STK32B: variants seen among roughly 807,000 people sequenced by gnomAD.
STK32B encodes the protein serine/threonine-protein kinase 32B.
A neutral mutation model predicts 52.6 loss-of-function variants in STK32B; 43 were observed. That is an observed-to-expected ratio of 0.82 (90% CI 0.64 to 1.05). STK32B has a LOEUF of 1.05. Ranked by LOEUF, STK32B falls within the 50% of genes least tolerant of loss-of-function variation. STK32B has a pLI of 0.00. For missense variants in STK32B, 621 were observed against 534.6 expected, an observed-to-expected ratio of 1.16 and a Z score of -1.59; for synonymous variants, 238 against 204.3, an observed-to-expected ratio of 1.17 and a Z score of -1.41.
chr4:5,485,907 T>G (rs1719149277), intron 11 of STK32B, among the ~76,000 whole-genome samples: 1 of 152,190 alleles, frequency 6.6e-6, no homozygotes, highest in Non-Finnish European at 1.5e-5. Context: ...CAGTGGATAT[T>G]GGTGAACAGC....
intron 3 of STK32B, among the ~76,000 whole-genome samples, chr4:5,284,354 A>C (rs144433042): frequency 1.3e-5 from 2 of 152,296 alleles, no homozygotes; most frequent in East Asian, 1.9e-4. Context: ...AACTCTAAAA[A>C]CTAGGTTTAA....
chr4:5,253,745 T>C (rs111653597), intron 3 of STK32B, among the ~76,000 whole-genome samples: 3,304 of 152,274 alleles, frequency 0.022, 111 homozygotes, highest in African/African-American at 0.075. Context: ...GAGTTAACAC[T>C]ACTGAACTGT....
chr4:5,440,260 T>C (rs1714590441), intron 6 of STK32B, among the ~76,000 whole-genome samples: 1 of 152,214 alleles, frequency 6.6e-6, no homozygotes, highest in South Asian at 2.1e-4. Context: ...TCCATTTCTT[T>C]GTATCCTCTT....
chr4:5,480,982 T>C (rs140119141), intron 11 of STK32B, among the ~76,000 whole-genome samples: 38 of 152,322 alleles, frequency 2.5e-4, no homozygotes, highest in African/African-American at 8.7e-4. Flanking sequence ...CAGTCTATCA[T>C]TGTTGGACAT....
chr4:5,146,174 G>T (rs1716899808), intron 2 of STK32B, among the ~76,000 whole-genome samples: 1 of 152,012 alleles, frequency 6.6e-6, no homozygotes, highest in South Asian at 2.1e-4. Flanking sequence ...ATATGAAGGG[G>T]AGTTTATTAA....
At chr4:5,317,263 T>TATAAC (rs1560313559) in intron 3 of STK32B, among the ~76,000 whole-genome samples, 10 of 25,588 alleles carry the variant, frequency 3.9e-4, no homozygotes, top group Non-Finnish European at 6.1e-4. Context: ...ACATATAACA[T>TATAAC]ATATATAATA....
At chr4:5,171,936 A>G (rs1383944007) in intron 3 of STK32B, among the ~76,000 whole-genome samples, 1 of 151,730 alleles carries the variant, frequency 6.6e-6, no homozygotes, top group Non-Finnish European at 1.5e-5. Flanking sequence ...CTTCCTACCC[A>G]TGAGCATGGA....
chr4:5,177,090 A>G (rs533526021), intron 3 of STK32B, among the ~76,000 whole-genome samples: 51 of 152,336 alleles, frequency 3.3e-4, no homozygotes, highest in African/African-American at 1.1e-3. Flanking sequence ...GAGGTTATAT[A>G]TGTGTGTATG....
At chr4:5,126,826 T>C (rs1050132405) in intron 1 of STK32B, among the ~76,000 whole-genome samples, 7 of 152,234 alleles carry the variant, frequency 4.6e-5, no homozygotes, top group African/African-American at 1.4e-4. Context: ...CCATTTCTAC[T>C]GATAACCCAG....
At chr4:5,341,619 G>A (rs553278933) in intron 4 of STK32B, among the ~76,000 whole-genome samples, 5 of 152,232 alleles carry the variant, frequency 3.3e-5, no homozygotes, top group South Asian at 2.1e-4. Flanking sequence ...TTCTTGCATC[G>A]CTGTAAAGAA....
intron 4 of STK32B, among the ~76,000 whole-genome samples, chr4:5,359,797 G>A (rs1179572932): frequency 1.3e-5 from 2 of 152,194 alleles, no homozygotes; most frequent in Admixed American, 6.5e-5. Context: ...GAGCAGACCA[G>A]TGCAGCTGGA....
In STK32B at chr4:5,398,248, A is replaced by G. The variant is rs1270702780; in HGVS notation, c.472+4A>G. The G allele has an allele frequency of 4.3e-6, 7 of 1,614,118 alleles. No individual in the cohort carries two copies. The highest frequency in any genetic ancestry group is 5.1e-6 in the Non-Finnish European group (6 of 1,180,018). The stretch of plus-strand genomic sequence containing the variant: ...AATATCCTGCTGGATGAACACGGTA[A>G]GCCTGCTACTAATCCTTTACAGGGA... On this transcript the variant is annotated splice_donor_region_variant and intron_variant, in intron 5 of 11. Coordinates refer to ENST00000282908, the MANE Select transcript of STK32B (RefSeq NM_018401.3). The surrounding 1 kb of genome is among the most constrained non-coding windows in gnomAD (Gnocchi z 4.9).
chr4:5,319,473 C>A (rs1431084872), intron 3 of STK32B, among the ~76,000 whole-genome samples: 1 of 152,170 alleles, frequency 6.6e-6, no homozygotes, highest in African/African-American at 2.4e-5. Flanking sequence ...AGTGGCTTCC[C>A]CTTGTGCAAG....
rs376003918 is a variant in STK32B, at chr4:5,450,394, T to TCAAACATTGTCCCAAA, written c.666+3622_666+3623insCATTGTCCCAAACAAA. 2.9e-3 allele frequency among the ~76,000 whole-genome samples: 437 copies of TCAAACATTGTCCCAAA among 152,278 alleles called. 2 individuals are homozygous for TCAAACATTGTCCCAAA. The highest frequency in any genetic ancestry group is 0.01 in the African/African-American group (423 of 41,542). ...TAGCCACCCATTGTCCCAACAAACC[T>TCAAACATTGTCCCAAA]CAAAGTCTCTCTGACAGGTGAGCAC... On this transcript the variant is annotated intron_variant, in intron 7 of 11. Transcript: ENST00000282908.
chr4:5,243,512 T>C lies in STK32B; in HGVS notation c.260+75062T>C, dbSNP rs183758567. 4.7e-3 allele frequency among the ~76,000 whole-genome samples: 714 copies of C among 152,312 alleles called. 2 individuals are homozygous for C. The highest frequency in any genetic ancestry group is 0.016 in the African/African-American group (650 of 41,568). The stretch of plus-strand genomic sequence containing the variant: ...ATGGGGTTTTCTAGGTATACAATCA[T>C]GTCATCTGCAAACAGGGACAATTTG... On this transcript the variant is annotated intron_variant, in intron 3 of 11. Coordinates refer to ENST00000282908, the MANE Select transcript of STK32B (RefSeq NM_018401.3).
intron 3 of STK32B, among the ~76,000 whole-genome samples, chr4:5,290,195 C>T (rs1396206291): frequency 6.6e-6 from 1 of 152,056 alleles, no homozygotes; most frequent in Non-Finnish European, 1.5e-5. Flanking sequence ...CACCTTGCTC[C>T]CCTAAATTTA....
intron 1 of STK32B, among the ~76,000 whole-genome samples, chr4:5,065,975 C>T (rs894888659): frequency 1.3e-5 from 2 of 152,202 alleles, no homozygotes; most frequent in African/African-American, 4.8e-5. Flanking sequence ...CTGCCCGCCT[C>T]AGCCTCCCAA....
chr4:5,350,546 A>T (rs1253813943), intron 4 of STK32B, among the ~76,000 whole-genome samples: 1 of 152,136 alleles, frequency 6.6e-6, no homozygotes, highest in Non-Finnish European at 1.5e-5. Flanking sequence ...GAATACCACC[A>T]AAACGCAATG....
In STK32B at chr4:5,139,999, G is replaced by A. The variant is rs758626690; in HGVS notation, c.108+39G>A. ...TGTCTGGACCACTGGGCTTAAGTATGTGTGTATATTTGTGTGTCTGTGTGT... is the reference window on the plus strand; with the variant it reads ...TGTCTGGACCACTGGGCTTAAGTATATGTGTATATTTGTGTGTCTGTGTGT... On this transcript the variant is annotated intron_variant, in intron 2 of 11. Coordinates refer to ENST00000282908, the MANE Select transcript of STK32B (RefSeq NM_018401.3). The A allele has an allele frequency of 1.7e-5, 28 of 1,611,932 alleles. No individual in the cohort carries two copies. In the Admixed American group the frequency reaches 2.8e-4, roughly 16 times the overall value.
Sources: gnomAD v4.1 joint callset for allele counts (sites outside exome capture counted in the v4.1 genomes callset) on GRCh38, gnomAD v4.1.1 for gene constraint, Gnocchi (gnomAD v3.1) non-coding constraint, MANE v1.5 for transcripts, NCBI Gene and HGNC (gene_info 2026-07-23, HGNC 2026-07-21) for gene names.